Variants in CCDC180 observed in about 807,000 individuals in gnomAD.
CCDC180 encodes coiled-coil domain-containing protein 180.
In CCDC180, 154 loss-of-function variants were observed where a neutral mutation model predicts 209.2. The observed-to-expected ratio is 0.74, with a 90% CI of 0.65 to 0.84. The LOEUF (loss-of-function observed/expected upper bound fraction) is 0.84. Among genes scored for constraint, CCDC180 ranks in the 40% least tolerant of loss-of-function variants. The probability of loss-of-function intolerance (pLI) is 0.00; values close to 1 mark genes in which losing one functional copy is unlikely to be tolerated. For missense variants in CCDC180, 1,874 were observed against 1,997.3 expected, an observed-to-expected ratio of 0.94 and a Z score of 1.18; for synonymous variants, 778 against 749.1, an observed-to-expected ratio of 1.04 and a Z score of -0.63.
At chr9:97,319,929 C>A (rs1000037827) in intron 10 of CCDC180, among the ~76,000 whole-genome samples, 197 bp from the exon 11 acceptor site, 1 of 152,012 alleles carries the variant, frequency 6.6e-6, no homozygotes, top group African/African-American at 2.4e-5. Context: ...GTAACAAATT[C>A]GTTACTTAGA....
intron 4 of CCDC180, 32 bp from the exon 5 acceptor site, chr9:97,313,204 G>T: frequency 2.1e-6 from 3 of 1,451,116 alleles, no homozygotes; most frequent in Non-Finnish European, 1.9e-6. Context: ...AGCTCTGAAG[G>T]CAGCCTCATC....
In CCDC180 at chr9:97,362,166, A is replaced by T. The variant is rs778722732; in HGVS notation, c.3657-30A>T. The T allele has an allele frequency of 8.8e-6, 14 of 1,596,404 alleles. No individual in the cohort carries two copies. In the Admixed American group the frequency reaches 2.0e-4, roughly 23 times the overall value. Reference sequence around the variant, plus strand: ...TGAGCTACCCCCATGGTCACCGGAGAAGAGCTCACACCCTTTCCTTTGGTT... The same window carrying T: ...TGAGCTACCCCCATGGTCACCGGAGTAGAGCTCACACCCTTTCCTTTGGTT... On this transcript the variant is annotated intron_variant, in intron 27 of 36. Coordinates refer to ENST00000529487, the MANE Select transcript of CCDC180 (RefSeq NM_020893.6).
intron 22 of CCDC180, among the ~76,000 whole-genome samples, 187 bp from the exon 23 acceptor site, chr9:97,354,382 C>T (rs1375412196): frequency 6.6e-6 from 1 of 152,126 alleles, no homozygotes; most frequent in Non-Finnish European, 1.5e-5. Context: ...GATGAACTGA[C>T]AAAAATGGAA....
At chr9:97,307,472 G>T, upstream of CCDC180, 1 of 591,332 alleles carries the variant, frequency 1.7e-6, no homozygotes, top group Non-Finnish European at 3.1e-6. Flanking sequence ...TCTACTTGGC[G>T]GGCTAGGGAG....
At chr9:97,309,632 C>T (rs757661591) in intron 3 of CCDC180, 28 bp downstream of exon 3, 1 of 1,501,116 alleles carries the variant, frequency 6.7e-7, no homozygotes, top group Non-Finnish European at 8.9e-7. Context: ...TGCCTCACCC[C>T]CATGCACTAG....
In CCDC180 at chr9:97,307,755, C is replaced by A; in HGVS notation, c.-133C>A. The A allele has an allele frequency of 6.2e-7, 1 of 1,614,204 alleles. No individual in the cohort carries two copies. Among genetic ancestry groups the A allele is most frequent in the Non-Finnish European group, 8.5e-7 (1 of 1,180,020 alleles). Reference sequence around the variant, plus strand: ...TCCCAGAGTCCCTTCGGATTTGCGCCATGCGCGGCGGGGAGAACCGGCCTC... The same window carrying A: ...TCCCAGAGTCCCTTCGGATTTGCGCAATGCGCGGCGGGGAGAACCGGCCTC... On this transcript the variant is annotated 5_prime_UTR_variant, in exon 1 of 37. Coordinates refer to ENST00000529487, the MANE Select transcript of CCDC180 (RefSeq NM_020893.6).
Position 97,317,125 on chromosome 9 carries a change from A to C in CCDC180, c.856A>C (p.Met286Leu). 1 of 1,613,446 alleles carries C rather than the reference A, an allele frequency of 6.2e-7. No individual in the cohort carries two copies. Residue 286 changes from methionine (M) to leucine (L), a missense_variant, in exon 9 of 37, where the codon ATG becomes CTG. Physicochemically the swap from Met to Leu is conservative, Grantham distance 15. Transcript: ENST00000529487. ...TCTCGCCCAGCTGTTTGTCAACCTGATGGAGTCCACCCTGCAGCAGGAGCT... is the reference window on the plus strand; with the variant it reads ...TCTCGCCCAGCTGTTTGTCAACCTGCTGGAGTCCACCCTGCAGCAGGAGCT... ...KALAQLFVNL[M>L]ESTLQQELDS...
intron 21 of CCDC180, 36 bp from the exon 22 acceptor site, chr9:97,350,373 C>A: frequency 6.5e-7 from 1 of 1,532,080 alleles, no homozygotes. Context: ...AGGGTTGTCC[C>A]CCATCACTGT....
At chr9:97,370,133 GT>G (rs1378875040) in intron 32 of CCDC180, 51 bp downstream of exon 32, 1 of 1,574,184 alleles carries the variant, frequency 6.4e-7, no homozygotes, top group South Asian at 1.2e-5. Flanking sequence ...GGAACTGGGA[GT>G]TCAGAAATGG....
In CCDC180 at chr9:97,313,508, A is replaced by G. The variant is rs117518619; in HGVS notation, c.459+163A>G. Among the ~76,000 whole-genome samples the G allele has an allele frequency of 3.8e-3, 582 of 152,144 alleles. 10 individuals are homozygous for G. The highest frequency in any genetic ancestry group is 0.017 in the East Asian group (88 of 5,156). On this transcript the variant is annotated intron_variant, in intron 5 of 36. Coordinates refer to ENST00000529487, the MANE Select transcript of CCDC180 (RefSeq NM_020893.6). The stretch of plus-strand genomic sequence containing the variant: ...TCTCTGAGTGCCTGAGTGGCTTGTT[A>G]TGAGTGTTTGTGGGCACAGGTCCCC...
chr9:97,366,797 G>C lies in CCDC180; in HGVS notation c.4189+97G>C. The C allele has an allele frequency of 1.5e-6, 2 of 1,300,574 alleles. No homozygotes were observed. The highest frequency in any genetic ancestry group is 2.1e-6 in the Non-Finnish European group (2 of 960,758). The allele number at this position is 1,300,574 out of a possible 1,614,324, so 80.6% of individuals were successfully genotyped here. On this transcript the variant is annotated intron_variant, in intron 31 of 36. Transcript: ENST00000529487. This position sits in a 1 kb window ranked among gnomAD's most constrained non-coding sequence, Gnocchi z 4.3. The stretch of plus-strand genomic sequence containing the variant: ...CCTTGTGGCCTGGATCCTCCCCTCT[G>C]GGGGAGGCAGAAGAGCTTCCCTGTG...
chr9:97,375,662 C>T lies in CCDC180; in HGVS notation c.4842+73C>T, dbSNP rs1827234294. The T allele has an allele frequency of 4.4e-6, 7 of 1,591,010 alleles. No individual in the cohort carries two copies. The African/African-American group carries it at 5.4e-5, about 12-fold the overall frequency. Reference sequence around the variant, plus strand: ...GGCTGCCTTGGGAAGGGGGAGCTTCCCATCACCCGGCACCCAACATTTGGC... The same window carrying T: ...GGCTGCCTTGGGAAGGGGGAGCTTCTCATCACCCGGCACCCAACATTTGGC... On this transcript the variant is annotated intron_variant, in intron 36 of 36. Coordinates refer to ENST00000529487, the MANE Select transcript of CCDC180 (RefSeq NM_020893.6).
At chr9:97,347,926 C>G (rs1390011550) in intron 20 of CCDC180, among the ~76,000 whole-genome samples, 1 of 152,114 alleles carries the variant, frequency 6.6e-6, no homozygotes, top group Non-Finnish European at 1.5e-5. Context: ...TCCTCTCTCA[C>G]CTGCAGAAGG....
intron 16 of CCDC180, 25 bp downstream of exon 16, chr9:97,328,171 C>A: frequency 6.2e-7 from 1 of 1,609,070 alleles, no homozygotes. Context: ...ATGATACACC[C>A]AGCCACTCAT....
intron 22 of CCDC180, among the ~76,000 whole-genome samples, chr9:97,351,312 G>A (rs946611375): frequency 3.3e-5 from 5 of 152,268 alleles, no homozygotes; most frequent in East Asian, 1.9e-4. Context: ...TATCACCAAC[G>A]CTTGTACTTT....
chr9:97,374,565 A>G lies in CCDC180; in HGVS notation c.4623A>G (p.Lys1541=). 2 of 1,614,048 alleles carry G rather than the reference A, an allele frequency of 1.2e-6. No homozygotes were observed. The highest frequency in any genetic ancestry group is 1.7e-6 in the Non-Finnish European group (2 of 1,180,002). ...QVARMEPPKQ[K]LSMLIRRKLA... ...TAGGGATGGAGCCCCCCAAACAGAA[A>G]TTATCAATGCTCATACGAAGGAAAC... Residue 1541 remains lysine, a synonymous_variant, in exon 35 of 37, where the codon AAA becomes AAG. Transcript: ENST00000529487.
At chr9:97,315,300 G>T (rs1464296434) in intron 8 of CCDC180, among the ~76,000 whole-genome samples, 1 of 152,146 alleles carries the variant, frequency 6.6e-6, no homozygotes, top group African/African-American at 2.4e-5. Context: ...CTACACTATG[G>T]AGTCATCGGG....
chr9:97,364,239 A>T, intron 29 of CCDC180, 111 bp downstream of exon 29: 1 of 977,136 alleles, frequency 1.0e-6, no homozygotes, highest in Non-Finnish European at 1.6e-6. Flanking sequence ...GGCAGGTCCA[A>T]GCAGAGGAGG....
At chr9:97,323,466 C>A (rs371239613) in intron 12 of CCDC180, among the ~76,000 whole-genome samples, 5 of 152,184 alleles carry the variant, frequency 3.3e-5, no homozygotes, top group East Asian at 1.9e-4. Context: ...GTTAGGGGAA[C>A]TATTGAGTCA....
Sources: allele counts gnomAD v4.1 joint callset (sites outside exome capture counted in the v4.1 genomes callset), GRCh38; gene constraint gnomAD v4.1.1; non-coding constraint Gnocchi (gnomAD v3.1); transcripts MANE v1.5; gene names NCBI Gene and HGNC (gene_info 2026-07-23, HGNC 2026-07-21).